C6orf62: variants seen among roughly 807,000 people sequenced by gnomAD.
C6orf62 encodes uncharacterized protein C6orf62.
A neutral mutation model predicts 26.8 loss-of-function variants in C6orf62; 16 were observed. The observed-to-expected ratio is 0.60, with a 90% CI of 0.40 to 0.91. The LOEUF is 0.91. Among genes scored for constraint, C6orf62 ranks in the 40% least tolerant of loss-of-function variants. The pLI is 0.00. For synonymous variants in C6orf62, 112 were observed against 91.5 expected (o/e 1.22, Z -1.28); for missense variants, 192 against 271.4 (o/e 0.71, Z 2.06).
At position 24,705,084 on chromosome 6, in the gene C6orf62, A is replaced by C. The variant is rs531668108; in HGVS notation, c.*1053T>G. 1 of 152,382 alleles carries C rather than the reference A, an allele frequency of 6.6e-6. No homozygotes were observed. Among genetic ancestry groups the C allele is most frequent in the South Asian group, 2.1e-4 (1 of 4,826 alleles). The allele number at this position is 152,382 out of a possible 1,614,324, so 9.4% of individuals were successfully genotyped here. On this transcript the variant is annotated 3_prime_UTR_variant, in exon 5 of 5. Transcript: ENST00000378119. ...TTCATTTAAAAGGAGAAAAAAAAAAAAACCTATACAGTAGTCTTTCCTTAT... is the reference window on the plus strand; with the variant it reads ...TTCATTTAAAAGGAGAAAAAAAAAACAACCTATACAGTAGTCTTTCCTTAT...
chr6:24,718,429 C>CT, intron 1 of C6orf62, 111 bp downstream of exon 1: 2 of 1,139,546 alleles, frequency 1.8e-6, no homozygotes, highest in Non-Finnish European at 2.5e-6. Context: ...ACAAAGCAGA[C>CT]TTTTTTTCAA....
intron 3 of C6orf62, chr6:24,709,725 T>G: frequency 1.0e-6 from 1 of 985,466 alleles, no homozygotes; most frequent in Non-Finnish European, 1.2e-6. Context: ...TCTTTTAACA[T>G]GAGGAAGATC....
At chr6:24,710,422 G>A (rs938506711) in intron 3 of C6orf62, 4 of 350,452 alleles carry the variant, frequency 1.1e-5, no homozygotes, top group Non-Finnish European at 1.6e-5. Flanking sequence ...GCACCACCAC[G>A]CCCAGCTAAT....
At chr6:24,711,087 A>G (rs1328059456) in intron 3 of C6orf62, among the ~76,000 whole-genome samples, 1 of 152,214 alleles carries the variant, frequency 6.6e-6, no homozygotes, top group Non-Finnish European at 1.5e-5. Context: ...TTCAAGTAAC[A>G]AAGCTGCAAT....
At chr6:24,711,271 A>C (rs745968592) in intron 3 of C6orf62, among the ~76,000 whole-genome samples, 2 of 146,884 alleles carry the variant, frequency 1.4e-5, no homozygotes, top group African/African-American at 5.4e-5. Flanking sequence ...CACACACACA[A>C]CTTCTCATAA....
At chr6:24,717,991 C>A (rs1191992406) in intron 1 of C6orf62, among the ~76,000 whole-genome samples, 1 of 152,130 alleles carries the variant, frequency 6.6e-6, no homozygotes, top group Non-Finnish European at 1.5e-5. Flanking sequence ...TACTTCTATA[C>A]AAGGCAAAAT....
At position 24,705,239 on chromosome 6, in the gene C6orf62, G is replaced by A. The variant is rs773698124; in HGVS notation, c.*898C>T. The stretch of plus-strand genomic sequence containing the variant: ...CCTTGTAAAGTTTTTCTTTAGGATG[G>A]TGTAAAAACCAGCATTTCTGCACAA... On this transcript the variant is annotated 3_prime_UTR_variant, in exon 5 of 5. Transcript: ENST00000378119. 4 of 152,502 alleles carry A rather than the reference G, an allele frequency of 2.6e-5. No homozygotes were observed. The highest frequency in any genetic ancestry group is 4.4e-5 in the Non-Finnish European group (3 of 67,982). 9.4% of individuals were successfully genotyped at this position (152,502 alleles called of 1,614,324 possible). A position where few individuals can be genotyped will look rare whatever the true frequency, so the allele number is the denominator to read the frequency against.
chr6:24,707,683 TTAAATA>T (rs1239581071), intron 4 of C6orf62, among the ~76,000 whole-genome samples: 2 of 151,976 alleles, frequency 1.3e-5, no homozygotes, highest in African/African-American at 4.8e-5. Context: ...TGTGGATCTT[TTAAATA>T]TATGTCCCTC....
In C6orf62 at chr6:24,705,495, G is replaced by C. The variant is rs1170224684; in HGVS notation, c.*642C>G. On this transcript the variant is annotated 3_prime_UTR_variant, in exon 5 of 5. Coordinates refer to ENST00000378119, the MANE Select transcript of C6orf62 (RefSeq NM_030939.5). ...CAGAATACTCTTACAATAGCAACTT[G>C]GGGAAAGAGATCTGGAAAAAAAAAA... The C allele has an allele frequency of 3.9e-5, 6 of 152,310 alleles. No individual in the cohort carries two copies. The highest frequency in any genetic ancestry group is 5.9e-5 in the Non-Finnish European group (4 of 67,940). The allele number at this position is 152,310 out of a possible 1,614,324, so 9.4% of individuals were successfully genotyped here. A position where few individuals can be genotyped will look rare whatever the true frequency, so the allele number is the denominator to read the frequency against.
upstream of C6orf62, chr6:24,719,163 A>G: frequency 4.1e-6 from 4 of 984,086 alleles, no homozygotes; most frequent in Non-Finnish European, 2.4e-6. Context: ...TCCAAAAAAA[A>G]AAAAAAAAAA....
chr6:24,709,943 T>G (rs1172968935), intron 3 of C6orf62: 15 of 985,444 alleles, frequency 1.5e-5, no homozygotes, highest in Non-Finnish European at 1.8e-5. Context: ...ATAATAACAT[T>G]GAAAAACCAA....
chr6:24,714,462 A>T (rs9461053), intron 2 of C6orf62, 22 bp from the exon 3 acceptor site: 55,203 of 1,551,016 alleles, frequency 0.036, 1,256 homozygotes, highest in East Asian at 0.077. Flanking sequence ...TTAAAAAAAA[A>T]AAAGTTTACT....
At chr6:24,720,011 A>ACG, upstream of C6orf62, 1 of 1,502,164 alleles carries the variant, frequency 6.7e-7, no homozygotes, top group Non-Finnish European at 8.9e-7. Context: ...CTTCTAAAGT[A>ACG]AGCCCACCCA....
At chr6:24,716,075 G>C (rs1357336813) in intron 2 of C6orf62, 73 bp downstream of exon 2, 15 of 1,312,928 alleles carry the variant, frequency 1.1e-5, no homozygotes, top group Non-Finnish European at 1.6e-5. Flanking sequence ...CTTTAAGGGG[G>C]GTTCGGGGGG....
chr6:24,715,795 G>A (rs1182349104), intron 2 of C6orf62, among the ~76,000 whole-genome samples: 2 of 138,882 alleles, frequency 1.4e-5, no homozygotes, highest in African/African-American at 5.5e-5. Context: ...GTTGCAGTGA[G>A]CCAAGATCAT....
chr6:24,710,702 A>C (rs940561942), intron 3 of C6orf62: 1 of 858,724 alleles, frequency 1.2e-6, no homozygotes, highest in African/African-American at 1.8e-5. Context: ...AATGGTAAGT[A>C]ATCTGATAAA....
chr6:24,719,673 AG>A, upstream of C6orf62: 2 of 1,468,692 alleles, frequency 1.4e-6, no homozygotes, highest in Non-Finnish European at 1.8e-6. Flanking sequence ...ACATTCCCCA[AG>A]GGAGACTTCC....
chr6:24,704,960 A>G lies in C6orf62; in HGVS notation c.*1177T>C, dbSNP rs2127631020. Reference sequence around the variant, plus strand: ...TTTTCAAATTCCAACCAGAAGCTAAATACAATTGGAAACTGGTAAGCACTA... The same window carrying G: ...TTTTCAAATTCCAACCAGAAGCTAAGTACAATTGGAAACTGGTAAGCACTA... On this transcript the variant is annotated 3_prime_UTR_variant, in exon 5 of 5. Transcript: ENST00000378119. 1 of 152,358 alleles carries G rather than the reference A, an allele frequency of 6.6e-6. No individual in the cohort carries two copies. Among genetic ancestry groups the G allele is most frequent in the Non-Finnish European group, 1.5e-5 (1 of 67,932 alleles). The allele number at this position is 152,358 out of a possible 1,614,324, so 9.4% of individuals were successfully genotyped here.
chr6:24,711,981 G>A (rs889198155), intron 3 of C6orf62, among the ~76,000 whole-genome samples: 4 of 152,070 alleles, frequency 2.6e-5, no homozygotes, highest in Admixed American at 2.6e-4. Context: ...AGTCAGTCCA[G>A]GCTTTTATCC....
Sources: gnomAD v4.1 joint callset for allele counts (sites outside exome capture counted in the v4.1 genomes callset) on GRCh38, gnomAD v4.1.1 for gene constraint, MANE v1.5 for transcripts, NCBI Gene and HGNC (gene_info 2026-07-23, HGNC 2026-07-21) for gene names.